Variants in THSD7A observed in about 807,000 individuals in gnomAD.
THSD7A encodes thrombospondin type 1 domain containing 7A.
Under a neutral mutation model 231.3 loss-of-function variants are expected in THSD7A, and 96 were observed. The ratio of observed to expected loss-of-function variants is 0.41; its 90% CI spans 0.35 to 0.49. The LOEUF (loss-of-function observed/expected upper bound fraction) is 0.49. Among genes scored for constraint, THSD7A ranks in the 20% least tolerant of loss-of-function variants. The pLI is 0.05. For synonymous variants in THSD7A, 940 were observed against 743.3 expected (o/e 1.26, Z -4.30); for missense variants, 2,290 against 2,070.2 (o/e 1.11, Z -2.06).
intron 2 of THSD7A, 141 bp from the exon 3 acceptor site, chr7:11,593,643 AT>A: frequency 9.8e-7 from 1 of 1,019,742 alleles, no homozygotes; most frequent in Non-Finnish European, 1.4e-6. Context: ...ATACATCAAC[AT>A]TTATGATGTG....
At chr7:11,570,896 C>T (rs1021667297) in intron 4 of THSD7A, among the ~76,000 whole-genome samples, 11 of 152,118 alleles carry the variant, frequency 7.2e-5, no homozygotes, top group African/African-American at 2.7e-4. Context: ...AGAGGTAGAT[C>T]CAAAACAAGG....
At chr7:11,404,436 T>A (rs1356626639) in intron 22 of THSD7A, among the ~76,000 whole-genome samples, 1 of 152,208 alleles carries the variant, frequency 6.6e-6, no homozygotes, top group African/African-American at 2.4e-5. Flanking sequence ...GCTGGAGATT[T>A]GGTTTTGGAA....
intron 11 of THSD7A, among the ~76,000 whole-genome samples, chr7:11,459,921 G>A (rs529881981): frequency 1.2e-3 from 190 of 152,006 alleles, no homozygotes; most frequent in African/African-American, 4.1e-3. Flanking sequence ...TTTTAAATAC[G>A]CAGCAGGAGC....
intron 1 of THSD7A, among the ~76,000 whole-genome samples, chr7:11,662,059 G>T (rs996742260): frequency 1.3e-5 from 2 of 151,012 alleles, no homozygotes; most frequent in Non-Finnish European, 3.0e-5. Context: ...GAGAGAAAAA[G>T]ATACATAGAA....
chr7:11,567,365 A>C (rs1312309004), intron 4 of THSD7A, among the ~76,000 whole-genome samples: 1 of 152,192 alleles, frequency 6.6e-6, no homozygotes, highest in Admixed American at 6.5e-5. Flanking sequence ...TCACGAGAAC[A>C]GCACAGAAAA....
At chr7:11,596,464 AT>A (rs1343312614) in intron 2 of THSD7A, among the ~76,000 whole-genome samples, 1 of 152,184 alleles carries the variant, frequency 6.6e-6, no homozygotes, top group African/African-American at 2.4e-5. Flanking sequence ...AGAATGCATA[AT>A]TGGCATAGAC....
chr7:11,473,810 C>T (rs1040227498), intron 8 of THSD7A, among the ~76,000 whole-genome samples: 1 of 152,080 alleles, frequency 6.6e-6, no homozygotes, highest in Non-Finnish European at 1.5e-5. Flanking sequence ...TATCCCAAGG[C>T]TCTCTCTTGG....
In THSD7A at chr7:11,382,858, AT is replaced by A. The variant is rs1782574877; in HGVS notation, c.4412-243del. On this transcript the variant is annotated intron_variant, in intron 23 of 27. Transcript: ENST00000423059. Reference sequence around the variant, plus strand: ...GGTGGGAACCTAGGTTTTTAATTTAATTTTTAAAAAATATTATGAAATAAAT... The same window carrying A: ...GGTGGGAACCTAGGTTTTTAATTTAATTTTAAAAAATATTATGAAATAAAT... 4.0e-5 allele frequency among the ~76,000 whole-genome samples: 6 copies of A among 151,728 alleles called. 1 individual carries two copies. In the South Asian group the frequency reaches 1.2e-3, roughly 32 times the overall value.
At chr7:11,810,991 C>A (rs1784514423) in intron 1 of THSD7A, among the ~76,000 whole-genome samples, 1 of 152,106 alleles carries the variant, frequency 6.6e-6, no homozygotes, top group South Asian at 2.1e-4. Flanking sequence ...TCTGTTACAG[C>A]AATACATTTT....
intron 23 of THSD7A, among the ~76,000 whole-genome samples, chr7:11,394,253 A>G (rs1783095536): frequency 6.6e-6 from 1 of 152,222 alleles, no homozygotes; most frequent in Admixed American, 6.5e-5. Flanking sequence ...TTTCACATCC[A>G]GCCAAACTAA....
At chr7:11,594,915 C>A (rs1301020200) in intron 2 of THSD7A, among the ~76,000 whole-genome samples, 1 of 152,150 alleles carries the variant, frequency 6.6e-6, no homozygotes, top group African/African-American at 2.4e-5. Flanking sequence ...TGGGACCCTG[C>A]AACTTGGAAT....
chr7:11,727,278 C>T (rs1271196314), intron 1 of THSD7A, among the ~76,000 whole-genome samples: 1 of 151,930 alleles, frequency 6.6e-6, no homozygotes, highest in African/African-American at 2.4e-5. Flanking sequence ...CCTTTCCCAG[C>T]ATCTCTATGC....
At chr7:11,530,736 A>T (rs12670615) in intron 6 of THSD7A, among the ~76,000 whole-genome samples, 1 of 151,908 alleles carries the variant, frequency 6.6e-6, no homozygotes, top group Non-Finnish European at 1.5e-5. Context: ...CTGCCCAGGC[A>T]TGGTGGCTCA....
chr7:11,397,153 T>C (rs1037128648), intron 23 of THSD7A, among the ~76,000 whole-genome samples: 5 of 151,870 alleles, frequency 3.3e-5, no homozygotes, highest in African/African-American at 9.7e-5. Flanking sequence ...GAGCTATTTA[T>C]GTCAAACCCA....
intron 4 of THSD7A, among the ~76,000 whole-genome samples, chr7:11,580,824 A>C (rs113321669): frequency 2.0e-5 from 3 of 152,116 alleles, no homozygotes; most frequent in Non-Finnish European, 4.4e-5. Flanking sequence ...CAATCTGTAC[A>C]ACAAACCCCC....
chr7:11,691,904 A>T (rs1369219899), intron 1 of THSD7A, among the ~76,000 whole-genome samples: 4 of 151,594 alleles, frequency 2.6e-5, no homozygotes, highest in Non-Finnish European at 4.4e-5. Context: ...AATAATATAT[A>T]ACATTCAGAT....
At chr7:11,796,033 CATATATATATATATATAT>C (rs6149988) in intron 1 of THSD7A, among the ~76,000 whole-genome samples, 3,710 of 107,480 alleles carry the variant, frequency 0.035, 100 homozygotes, top group African/African-American at 0.06. Context: ...TTAAATTAGC[CATATATATATATATATAT>C]ATATATATAT....
chr7:11,602,760 AAAG>A (rs1197565415), intron 2 of THSD7A, among the ~76,000 whole-genome samples: 2 of 151,852 alleles, frequency 1.3e-5, no homozygotes, highest in Non-Finnish European at 2.9e-5. Flanking sequence ...TGTGGCACAA[AAAG>A]AAGATGATAT....
At chr7:11,478,759 T>C (rs897382503) in intron 7 of THSD7A, among the ~76,000 whole-genome samples, 1 of 152,144 alleles carries the variant, frequency 6.6e-6, no homozygotes, top group African/African-American at 2.4e-5. Flanking sequence ...ATCTACTGGA[T>C]TGGGGCCATC....
Sources: gnomAD v4.1 joint callset for allele counts (sites outside exome capture counted in the v4.1 genomes callset) on GRCh38, gnomAD v4.1.1 for gene constraint, MANE v1.5 for transcripts, NCBI Gene and HGNC (gene_info 2026-07-23, HGNC 2026-07-21) for gene names.